BLTP1: variants seen among roughly 807,000 people sequenced by gnomAD.
BLTP1 encodes the protein bridge-like lipid transfer protein family member 1.
At chr4:122,245,313 A>T in the BLTP1 span, among the ~76,000 whole-genome samples, 5 of 152,170 alleles carry the variant, frequency 3.3e-5, no homozygotes, top group Admixed American at 3.3e-4. Flanking sequence ...TGTACTATAG[A>T]TGGAATAGTA....
chr4:122,203,978 A>C, the BLTP1 span: 2 of 275,902 alleles, frequency 7.2e-6, no homozygotes, highest in South Asian at 2.8e-4. Flanking sequence ...TTCACTAGCA[A>C]TCGTATCTCA....
chr4:122,271,738 T>C, the BLTP1 span: 4 of 1,510,140 alleles, frequency 2.6e-6, no homozygotes, highest in Non-Finnish European at 3.6e-6. Context: ...ACAGACATTT[T>C]TATGTTTTAA....
At chr4:122,342,976 G>A in the BLTP1 span, among the ~76,000 whole-genome samples, 3 of 152,066 alleles carry the variant, frequency 2.0e-5, no homozygotes, top group Non-Finnish European at 4.4e-5. Flanking sequence ...TTTACTTTCT[G>A]CTTTTGCATA....
the BLTP1 span, chr4:122,276,055 A>G: frequency 6.5e-7 from 1 of 1,536,724 alleles, no homozygotes; most frequent in Non-Finnish European, 8.8e-7. Flanking sequence ...ATGGCTTTGT[A>G]ATTACTGTAG....
the BLTP1 span, chr4:122,262,695 T>C: frequency 1.3e-5 from 20 of 1,499,910 alleles, no homozygotes; most frequent in Non-Finnish European, 1.7e-5. Context: ...GTAATAGTAA[T>C]AGTGGTTGTA....
chr4:122,258,743 A>G, the BLTP1 span: 1 of 1,614,000 alleles, frequency 6.2e-7, no homozygotes, highest in Non-Finnish European at 8.5e-7. Context: ...GGAACAGCTA[A>G]CCGGCCTCCA....
chr4:122,212,528 T>C, the BLTP1 span, among the ~76,000 whole-genome samples: 3 of 152,164 alleles, frequency 2.0e-5, no homozygotes, highest in Non-Finnish European at 2.9e-5. Flanking sequence ...GTCATAGTGA[T>C]ACAGCATCAG....
At chr4:122,282,471 A>C in the BLTP1 span, among the ~76,000 whole-genome samples, 1 of 152,044 alleles carries the variant, frequency 6.6e-6, no homozygotes, top group Middle Eastern at 3.2e-3. Context: ...GCAAAACCCC[A>C]TCTCTGTTAA....
chr4:122,249,865 T>A, the BLTP1 span: 2 of 983,480 alleles, frequency 2.0e-6, no homozygotes, highest in Non-Finnish European at 2.4e-6. Flanking sequence ...GAGCTTTTCC[T>A]CCATTATGTG....
the BLTP1 span, chr4:122,246,054 TAGGC>T: frequency 7.7e-7 from 1 of 1,304,296 alleles, no homozygotes. Flanking sequence ...GGCACATAGA[TAGGC>T]ATAGAGGGGC....
chr4:122,284,644 A>G, the BLTP1 span, among the ~76,000 whole-genome samples: 3 of 152,142 alleles, frequency 2.0e-5, no homozygotes, highest in African/African-American at 7.2e-5. Flanking sequence ...TCAGTTACCT[A>G]TGGTCAACTG....
the BLTP1 span, chr4:122,223,203 T>G: frequency 9.4e-6 from 9 of 955,294 alleles, no homozygotes; most frequent in Non-Finnish European, 1.0e-5. Flanking sequence ...TTTGAATTTT[T>G]TTAAAAAAAG....
chr4:122,196,851 A>G, the BLTP1 span: 5 of 952,342 alleles, frequency 5.3e-6, no homozygotes, highest in Non-Finnish European at 7.3e-6. Flanking sequence ...TATTTTTCAG[A>G]GTTTTTTCCT....
the BLTP1 span, chr4:122,360,004 A>G: frequency 2.8e-5 from 28 of 985,258 alleles, no homozygotes; most frequent in Non-Finnish European, 3.3e-5. Flanking sequence ...TGTTGCCACT[A>G]GTTTTTCACC....
At chr4:122,165,958 A>T in the BLTP1 span, among the ~76,000 whole-genome samples, 1 of 151,560 alleles carries the variant, frequency 6.6e-6, no homozygotes, top group South Asian at 2.1e-4. Flanking sequence ...AGTTCATTGT[A>T]GATTCTGGAT....
At chr4:122,266,278 A>G in the BLTP1 span, among the ~76,000 whole-genome samples, 1 of 152,196 alleles carries the variant, frequency 6.6e-6, no homozygotes, top group African/African-American at 2.4e-5. Flanking sequence ...AATGTAAAGG[A>G]AGTTCTCTGA....
chr4:122,207,068 A>G, the BLTP1 span: 3 of 1,548,688 alleles, frequency 1.9e-6, no homozygotes, highest in Non-Finnish European at 2.6e-6. Context: ...TCTGAGTTTC[A>G]ACTAACTTTA....
At chr4:122,263,149 G>A in the BLTP1 span, 1,108 of 966,958 alleles carry the variant, frequency 1.1e-3, 13 homozygotes, top group African/African-American at 0.018. Flanking sequence ...GTAACTTTTC[G>A]GAGTCTTCAT....
the BLTP1 span, chr4:122,164,586 A>G: frequency 5.2e-6 from 1 of 192,116 alleles, no homozygotes; most frequent in Non-Finnish European, 9.6e-6. Context: ...TGCCTTTCTC[A>G]AAGTTCCTCT....
Sources: allele counts gnomAD v4.1 joint callset (sites outside exome capture counted in the v4.1 genomes callset), GRCh38; gene constraint gnomAD v4.1.1; transcripts MANE v1.5; gene names NCBI Gene and HGNC (gene_info 2026-07-23, HGNC 2026-07-21).